YPEL2: variants seen among roughly 807,000 people sequenced by gnomAD.
YPEL2 encodes the protein yippee like 2.
In YPEL2, 2 loss-of-function variants were observed where a neutral mutation model predicts 19.1. The observed-to-expected ratio is 0.10, with a 90% CI of 0.04 to 0.33. YPEL2 has a LOEUF of 0.33. Ranked by LOEUF, YPEL2 falls within the 10% of genes least tolerant of loss-of-function variation. The probability of loss-of-function intolerance (pLI) is 1.00; values close to 1 mark genes in which losing one functional copy is unlikely to be tolerated. For synonymous variants in YPEL2, 52 were observed against 50.0 expected, an observed-to-expected ratio of 1.04 and a Z score of -0.17; for missense variants, 66 against 140.7, an observed-to-expected ratio of 0.47 and a Z score of 2.68.
rs1425924515 is a variant in YPEL2, at chr17:59,358,434, A to T, written c.117+4908A>T. On this transcript the variant is annotated intron_variant, in intron 2 of 4. Coordinates refer to ENST00000312655, the MANE Select transcript of YPEL2 (RefSeq NM_001005404.4). ...CCTTGGTTTCCCACCTCTGGCTCTG[A>T]GCCCTGGTGTTGTACACCAGTGTAG... Among the ~76,000 whole-genome samples the T allele has an allele frequency of 3.3e-5, 5 of 151,848 alleles. No homozygotes were observed. In the East Asian group the frequency reaches 9.6e-4, roughly 29 times the overall value.
chr17:59,344,901 C>T (rs1442482837), intron 1 of YPEL2, among the ~76,000 whole-genome samples: 1 of 152,208 alleles, frequency 6.6e-6, no homozygotes, highest in African/African-American at 2.4e-5. Context: ...GAGCAGTGGT[C>T]CCCAACCTTT....
chr17:59,389,263 A>G (rs2047996168), intron 3 of YPEL2, 97 bp from the exon 4 acceptor site: 1 of 1,132,404 alleles, frequency 8.8e-7, no homozygotes. Flanking sequence ...TCCCCTTGGG[A>G]CAGCCTTTCC....
At chr17:59,374,826 G>GAAGT (rs1291706847) in intron 2 of YPEL2, among the ~76,000 whole-genome samples, 1 of 152,176 alleles carries the variant, frequency 6.6e-6, no homozygotes, top group Non-Finnish European at 1.5e-5. Flanking sequence ...CGTGGCAGAG[G>GAAGT]AAGTGCTAGA....
intron 1 of YPEL2, among the ~76,000 whole-genome samples, chr17:59,332,467 G>A (rs572157058): frequency 1.3e-5 from 2 of 152,204 alleles, no homozygotes; most frequent in Admixed American, 6.5e-5. Context: ...GGTCCTGCCC[G>A]ACGGAACGCG....
intron 1 of YPEL2, among the ~76,000 whole-genome samples, chr17:59,339,244 G>A (rs181051661): frequency 3.5e-4 from 54 of 152,212 alleles, no homozygotes; most frequent in South Asian, 6.2e-4. Context: ...GACAGGTTAC[G>A]TTAATGGTAT....
At chr17:59,340,923 C>T (rs1444667024) in intron 1 of YPEL2, among the ~76,000 whole-genome samples, 5 of 146,758 alleles carry the variant, frequency 3.4e-5, no homozygotes, top group Non-Finnish European at 6.0e-5. Flanking sequence ...CCATGTTGGC[C>T]AGGCTGGTCT....
chr17:59,337,084 G>T (rs1320425940), intron 1 of YPEL2, among the ~76,000 whole-genome samples: 2 of 152,006 alleles, frequency 1.3e-5, no homozygotes, highest in Non-Finnish European at 2.9e-5. Context: ...GTCAGAAATA[G>T]CTTTATATAA....
chr17:59,337,480 C>A (rs1386343671), intron 1 of YPEL2, among the ~76,000 whole-genome samples: 2 of 152,120 alleles, frequency 1.3e-5, no homozygotes, highest in Non-Finnish European at 1.5e-5. Flanking sequence ...TGAGCCACCG[C>A]GCCCGGCCGG....
chr17:59,392,358 T>A (rs2048011633), intron 4 of YPEL2, among the ~76,000 whole-genome samples: 1 of 152,050 alleles, frequency 6.6e-6, no homozygotes, highest in Non-Finnish European at 1.5e-5. Flanking sequence ...CCTCAAAGTG[T>A]TGACAGTCAT....
At chr17:59,349,637 C>T (rs905684211) in intron 1 of YPEL2, among the ~76,000 whole-genome samples, 4 of 152,130 alleles carry the variant, frequency 2.6e-5, no homozygotes, top group Non-Finnish European at 4.4e-5. Context: ...CCACCTTCCC[C>T]GGCCCCCACA....
chr17:59,364,397 C>G (rs1480705337), intron 2 of YPEL2, among the ~76,000 whole-genome samples: 1 of 152,206 alleles, frequency 6.6e-6, no homozygotes, highest in Non-Finnish European at 1.5e-5. Flanking sequence ...CTGTTCATCT[C>G]TCTGGCTCTC....
intron 1 of YPEL2, among the ~76,000 whole-genome samples, chr17:59,340,764 G>A (rs546797014): frequency 1.3e-5 from 2 of 150,188 alleles, no homozygotes; most frequent in Non-Finnish European, 3.0e-5. Context: ...TGCCCAGGCT[G>A]GAGTGCAGTG....
At chr17:59,334,571 A>ACAC in intron 1 of YPEL2, among the ~76,000 whole-genome samples, 1 of 145,230 alleles carries the variant, frequency 6.9e-6, no homozygotes, top group East Asian at 2.0e-4. Flanking sequence ...TTCAGGCACA[A>ACAC]ACACACACAC....
chr17:59,390,818 C>G (rs1021291799), intron 4 of YPEL2, among the ~76,000 whole-genome samples: 2 of 152,150 alleles, frequency 1.3e-5, no homozygotes, highest in Non-Finnish European at 2.9e-5. Context: ...ATCTAGGCAG[C>G]TAGAGTCAGG....
At chr17:59,367,095 T>G (rs2047874014) in intron 2 of YPEL2, among the ~76,000 whole-genome samples, 1 of 151,892 alleles carries the variant, frequency 6.6e-6, no homozygotes, top group Admixed American at 6.6e-5. Flanking sequence ...ACAGGAGGAG[T>G]ATGGACTTTT....
At chr17:59,334,040 G>T (rs1016260918) in intron 1 of YPEL2, among the ~76,000 whole-genome samples, 54 of 152,178 alleles carry the variant, frequency 3.5e-4, no homozygotes, top group African/African-American at 1.2e-3. Flanking sequence ...AGTATTGTTT[G>T]TTCTCAACTG....
intron 2 of YPEL2, among the ~76,000 whole-genome samples, chr17:59,378,369 AG>A (rs2047932799): frequency 6.7e-6 from 1 of 149,462 alleles, no homozygotes; most frequent in Non-Finnish European, 1.5e-5. Context: ...TTTTGAGACA[AG>A]TTCTCACTCT....
intron 2 of YPEL2, among the ~76,000 whole-genome samples, chr17:59,383,011 A>T (rs1220049369): frequency 6.6e-6 from 1 of 152,204 alleles, no homozygotes; most frequent in Non-Finnish European, 1.5e-5. Context: ...AGAATTTAAA[A>T]ATATGAAAAT....
At chr17:59,338,482 G>A (rs1394420545) in intron 1 of YPEL2, among the ~76,000 whole-genome samples, 1 of 152,206 alleles carries the variant, frequency 6.6e-6, no homozygotes, top group African/African-American at 2.4e-5. Context: ...TGCCCATCAG[G>A]AATATTTTGA....
Sources: allele counts gnomAD v4.1 joint callset (sites outside exome capture counted in the v4.1 genomes callset), GRCh38; gene constraint gnomAD v4.1.1; transcripts MANE v1.5; gene names NCBI Gene and HGNC (gene_info 2026-07-23, HGNC 2026-07-21).